Variants in RTL4 observed in about 807,000 individuals in gnomAD.
RTL4 encodes the protein retrotransposon Gag like 4, also known as retrotransposon Gag-like protein 4.
In RTL4, 4 loss-of-function variants were observed where a neutral mutation model predicts 5.3. The observed-to-expected ratio is 0.75, with a 90% confidence interval of 0.37 to 1.72. RTL4 has a LOEUF of 1.72. Ranked by LOEUF, RTL4 falls within the 40% of genes most tolerant of loss-of-function variation. The probability of loss-of-function intolerance (pLI) is 0.04; values close to 1 mark genes in which losing one functional copy is unlikely to be tolerated. For missense variants in RTL4, 260 were observed against 227.1 expected (o/e 1.14, Z -0.93); for synonymous variants, 98 against 87.3 (o/e 1.12, Z -0.68).
chrX:112,192,080 T>G, the RTL4 span, among the ~76,000 whole-genome samples: 1 of 107,942 alleles, frequency 9.3e-6, no homozygotes, highest in Non-Finnish European at 1.9e-5. Context: ...CTAGGGTTTT[T>G]TTTTTTTTTT....
the RTL4 span, among the ~76,000 whole-genome samples, chrX:112,259,529 G>A: frequency 1.8e-4 from 20 of 109,832 alleles, no homozygotes; most frequent in Non-Finnish European, 3.8e-4. Flanking sequence ...GCCATTGAAA[G>A]CAATGGCAAA....
chrX:112,327,381 C>A, the RTL4 span, among the ~76,000 whole-genome samples: 2 of 111,456 alleles, frequency 1.8e-5, no homozygotes, highest in Non-Finnish European at 3.8e-5. Context: ...GGACCTGATG[C>A]GATCAACTGG....
the RTL4 span, among the ~76,000 whole-genome samples, chrX:112,130,246 C>CT: frequency 0.039 from 3,804 of 97,831 alleles, 167 homozygotes; most frequent in African/African-American, 0.11. Context: ...CTTTTCTTTT[C>CT]TTTTTTTTTT....
the RTL4 span, among the ~76,000 whole-genome samples, chrX:112,310,156 A>G: frequency 5.9e-5 from 6 of 101,798 alleles, no homozygotes; most frequent in Non-Finnish European, 1.2e-4. Flanking sequence ...CTAACCTCCA[A>G]TATGATGGCA....
At chrX:112,142,472 T>C in the RTL4 span, among the ~76,000 whole-genome samples, 1 of 112,283 alleles carries the variant, frequency 8.9e-6, no homozygotes, top group African/African-American at 3.2e-5. Context: ...CTTATTAATA[T>C]AGGTATCTGG....
the RTL4 span, among the ~76,000 whole-genome samples, chrX:112,272,741 T>C: frequency 8.9e-6 from 1 of 111,866 alleles, no homozygotes; most frequent in African/African-American, 3.3e-5. Context: ...TTAAGATTTA[T>C]ACTTTTTTCC....
chrX:112,419,031 G>GATATATATAT, the RTL4 span, among the ~76,000 whole-genome samples: 7 of 89,666 alleles, frequency 7.8e-5, no homozygotes, highest in African/African-American at 2.4e-4. Flanking sequence ...TTTCACATAA[G>GATATATATAT]ATATATATAT....
chrX:112,316,647 G>A, the RTL4 span, among the ~76,000 whole-genome samples: 30 of 111,335 alleles, frequency 2.7e-4, no homozygotes, highest in Non-Finnish European at 4.5e-4. Context: ...TGTACTAACC[G>A]CTCCCCAACA....
chrX:112,336,722 A>G, the RTL4 span, among the ~76,000 whole-genome samples: 2 of 112,190 alleles, frequency 1.8e-5, no homozygotes, highest in Non-Finnish European at 3.8e-5. Context: ...TGGACAGCAC[A>G]TATATGGAAC....
At chrX:112,165,240 AC>A in the RTL4 span, among the ~76,000 whole-genome samples, 2 of 112,571 alleles carry the variant, frequency 1.8e-5, no homozygotes, top group Non-Finnish European at 3.8e-5. Flanking sequence ...GATTTCAAAA[AC>A]AACTTTTCAG....
the RTL4 span, among the ~76,000 whole-genome samples, chrX:112,263,239 G>A: frequency 2.7e-5 from 3 of 109,575 alleles, no homozygotes; most frequent in African/African-American, 1.0e-4. Flanking sequence ...AGTAAATGCA[G>A]TGGTAGAGAG....
At chrX:112,114,029 G>A in the RTL4 span, among the ~76,000 whole-genome samples, 1 of 111,607 alleles carries the variant, frequency 9.0e-6, no homozygotes, top group Non-Finnish European at 1.9e-5. Context: ...CCTGATATCT[G>A]TGGCTGATTG....
At chrX:112,354,672 A>G in the RTL4 span, among the ~76,000 whole-genome samples, 1 of 111,080 alleles carries the variant, frequency 9.0e-6, no homozygotes, top group Non-Finnish European at 1.9e-5. Context: ...ATACAATAGC[A>G]TTTTACTCCA....
chrX:112,330,883 C>T, the RTL4 span, among the ~76,000 whole-genome samples: 6 of 110,853 alleles, frequency 5.4e-5, no homozygotes, highest in African/African-American at 2.0e-4. Flanking sequence ...CTTTGACAAA[C>T]CTGAGAAAAA....
chrX:112,228,296 G>T, the RTL4 span, among the ~76,000 whole-genome samples: 1 of 111,421 alleles, frequency 9.0e-6, no homozygotes, highest in Non-Finnish European at 1.9e-5. Flanking sequence ...GATCATGATT[G>T]GTTTTGGTTT....
At chrX:112,192,148 GT>G in the RTL4 span, among the ~76,000 whole-genome samples, 17 of 101,425 alleles carry the variant, frequency 1.7e-4, no homozygotes, top group African/African-American at 3.7e-4. Context: ...CCTTTAATAG[GT>G]TTTTTTTTGT....
the RTL4 span, among the ~76,000 whole-genome samples, chrX:112,244,010 G>A: frequency 8.9e-6 from 1 of 112,137 alleles, no homozygotes; most frequent in Non-Finnish European, 1.9e-5. Context: ...GTGGTTTTGA[G>A]TGAATTTCTT....
chrX:112,455,999 G>C, exon 1 of RTL4: 1 of 286,584 alleles, frequency 3.5e-6, no homozygotes, highest in Non-Finnish European at 6.4e-6. Flanking sequence ...CTGACCAATG[G>C]GTGACATCTG....
the RTL4 span, among the ~76,000 whole-genome samples, chrX:112,090,823 G>A: frequency 6.3e-5 from 7 of 110,986 alleles, no homozygotes; most frequent in Non-Finnish European, 1.3e-4. Context: ...GACAAGAATT[G>A]CTGTTAATTA....
Sources: gnomAD v4.1 joint callset for allele counts (sites outside exome capture counted in the v4.1 genomes callset) on GRCh38, gnomAD v4.1.1 for gene constraint, MANE v1.5 for transcripts, NCBI Gene and HGNC (gene_info 2026-07-23, HGNC 2026-07-21) for gene names.